Variants in CLDN2 observed in about 807,000 individuals in gnomAD.
The protein encoded by CLDN2 is claudin-2.
CLDN2 carries 1 observed loss-of-function variant against 8.2 expected under a neutral mutation model. The observed-to-expected ratio is 0.12, with a 90% confidence interval of 0.04 to 0.58. The LOEUF (loss-of-function observed/expected upper bound fraction) is 0.58. Among genes scored for constraint, CLDN2 ranks in the 20% least tolerant of loss-of-function variants. The pLI, the probability that CLDN2 is intolerant of heterozygous loss-of-function variation, is 0.90. For missense variants in CLDN2, 108 were observed against 172.9 expected, an observed-to-expected ratio of 0.62 and a Z score of 2.11; for synonymous variants, 70 against 70.2, an observed-to-expected ratio of 1.00 and a Z score of 0.01.
At chrX:106,903,670 C>T (rs1477403035) in intron 1 of CLDN2, among the ~76,000 whole-genome samples, 2 of 112,152 alleles carry the variant, frequency 1.8e-5, no homozygotes, top group African/African-American at 6.5e-5. Flanking sequence ...ACAGAGATGT[C>T]AGGGACAGAG....
At position 106,928,217 on chromosome X, in the gene CLDN2, G is replaced by T. The variant is rs964209255; in HGVS notation, c.-12G>T. 2.5e-6 allele frequency: 3 copies of T among 1,193,698 alleles called. No individual in the cohort carries two copies. The African/African-American group carries it at 5.3e-5, about 21-fold the overall frequency. ...AGCAGTCCCTGAAGACGCTTCTACT[G>T]AGAGGTCTGCCATGGCCTCTCTTGG... On this transcript the variant is annotated 5_prime_UTR_variant, in exon 2 of 2. Coordinates refer to ENST00000336803, the MANE Select transcript of CLDN2 (RefSeq NM_020384.4).
At chrX:106,925,018 T>C (rs977175793) in intron 1 of CLDN2, among the ~76,000 whole-genome samples, 5 of 111,110 alleles carry the variant, frequency 4.5e-5, no homozygotes, top group Non-Finnish European at 9.4e-5. Flanking sequence ...GATACAGAGA[T>C]ACATAAGATA....
At chrX:106,909,599 C>T (rs763603762) in intron 1 of CLDN2, among the ~76,000 whole-genome samples, 40 of 111,938 alleles carry the variant, frequency 3.6e-4, no homozygotes, top group African/African-American at 1.2e-3. Context: ...AGTGGAGGCC[C>T]GAAGTAATAC....
Position 106,910,330 on chromosome X carries a change from C to T in CLDN2, c.-179+9826C>T, listed in dbSNP as rs139448579. Among the ~76,000 whole-genome samples the T allele has an allele frequency of 4.0e-4, 45 of 111,363 alleles. 1 individual carries two copies. Among genetic ancestry groups the T allele is most frequent in the Admixed American group, 3.7e-3 (39 of 10,541 alleles). ...TGACTGCTTACTGTGTGCCAGGCAC[C>T]GTGCTAAGTGCTTTATTGTTTTATT... On this transcript the variant is annotated intron_variant, in intron 1 of 1. Coordinates refer to the CLDN2 transcript ENST00000541806.
chrX:106,929,695 A>T lies in CLDN2; in HGVS notation c.*774A>T, dbSNP rs1327975160. 4.1e-5 allele frequency: 5 copies of T among 123,140 alleles called. No individual in the cohort carries two copies. The highest frequency in any genetic ancestry group is 5.7e-5 in the Non-Finnish European group (3 of 53,080). 10.1% of individuals were successfully genotyped at this position (123,140 alleles called of 1,213,427 possible). A position where few individuals can be genotyped will look rare whatever the true frequency, so the allele number is the denominator to read the frequency against. The stretch of plus-strand genomic sequence containing the variant: ...GAGGAAAGCACAAGGAAAGGAAAGA[A>T]GATCTGGTGGAAAGCTCAGGTGGCA... On this transcript the variant is annotated 3_prime_UTR_variant, in exon 2 of 2. Coordinates refer to ENST00000336803, the MANE Select transcript of CLDN2 (RefSeq NM_020384.4).
intron 1 of CLDN2, among the ~76,000 whole-genome samples, chrX:106,922,810 TG>T (rs1056954444): frequency 1.8e-5 from 2 of 110,997 alleles, no homozygotes; most frequent in African/African-American, 6.6e-5. Context: ...TAGGTTTGGC[TG>T]GATCATATGT....
At position 106,928,969 on chromosome X, in the gene CLDN2, T is replaced by C; in HGVS notation, c.*48T>C. 1 of 1,064,194 alleles carries C rather than the reference T, an allele frequency of 9.4e-7. No individual in the cohort carries two copies. Among genetic ancestry groups the C allele is most frequent in the Non-Finnish European group, 1.3e-6 (1 of 772,197 alleles). 87.7% of individuals were successfully genotyped at this position (1,064,194 alleles called of 1,213,427 possible). ...GGGTGGCTGGGTCTGTGAAAAACAG[T>C]GGACAGCACCCCGAGGGCCACAGGT... On this transcript the variant is annotated 3_prime_UTR_variant, in exon 2 of 2. Coordinates refer to ENST00000336803, the MANE Select transcript of CLDN2 (RefSeq NM_020384.4).
At chrX:106,915,433 A>G (rs748084659), upstream of CLDN2, among the ~76,000 whole-genome samples, 2 of 112,413 alleles carry the variant, frequency 1.8e-5, no homozygotes, top group Non-Finnish European at 3.8e-5. Context: ...TGGTTTTCAA[A>G]CTTTTAATTT....
At chrX:106,921,983 T>C (rs754780880) in intron 1 of CLDN2, among the ~76,000 whole-genome samples, 3 of 112,398 alleles carry the variant, frequency 2.7e-5, no homozygotes, top group Non-Finnish European at 5.6e-5. Flanking sequence ...TCAAAGTGGC[T>C]TCCTGTCCCC....
At chrX:106,916,983 A>C (rs923582796), upstream of CLDN2, among the ~76,000 whole-genome samples, 3 of 112,106 alleles carry the variant, frequency 2.7e-5, no homozygotes, top group Non-Finnish European at 3.8e-5. Context: ...CCAGGAGTTC[A>C]AGGTTATTGT....
At chrX:106,912,987 C>T (rs182018989) in intron 1 of CLDN2, among the ~76,000 whole-genome samples, 3 of 111,584 alleles carry the variant, frequency 2.7e-5, no homozygotes, top group Non-Finnish European at 1.9e-5. Flanking sequence ...AATCAAAAAG[C>T]GAGTCAGCAA....
chrX:106,916,087 GC>G (rs1032378658), upstream of CLDN2, among the ~76,000 whole-genome samples: 5 of 104,625 alleles, frequency 4.8e-5, no homozygotes, highest in Non-Finnish European at 9.8e-5. Context: ...AAAAAAAAAA[GC>G]CAAACCCTTC....
chrX:106,908,541 T>C (rs1363975000), intron 1 of CLDN2, among the ~76,000 whole-genome samples: 7 of 108,454 alleles, frequency 6.5e-5, no homozygotes, highest in Non-Finnish European at 9.5e-5. Context: ...CTTGGGACAG[T>C]GTATTTTTTT....
intron 1 of CLDN2, among the ~76,000 whole-genome samples, chrX:106,901,088 G>A (rs947892550): frequency 9.8e-5 from 11 of 112,330 alleles, no homozygotes; most frequent in African/African-American, 2.6e-4. Flanking sequence ...GTGGCCCCAC[G>A]CAGGAAGGTA....
upstream of CLDN2, among the ~76,000 whole-genome samples, chrX:106,919,703 C>T (rs1315543280): frequency 1.8e-5 from 2 of 112,280 alleles, no homozygotes; most frequent in African/African-American, 3.2e-5. Flanking sequence ...AGGCTGTTTT[C>T]GAACTCCTGA....
chrX:106,917,855 G>A (rs989248437), upstream of CLDN2, among the ~76,000 whole-genome samples: 5 of 110,733 alleles, frequency 4.5e-5, no homozygotes, highest in African/African-American at 9.9e-5. Flanking sequence ...CTCCATTCCC[G>A]CACCCATCTA....
At chrX:106,911,349 C>T (rs889321345) in intron 1 of CLDN2, among the ~76,000 whole-genome samples, 1 of 111,914 alleles carries the variant, frequency 8.9e-6, no homozygotes, top group African/African-American at 3.2e-5. Context: ...GCAATGGCAG[C>T]TCATGAGTGA....
intron 1 of CLDN2, among the ~76,000 whole-genome samples, chrX:106,904,532 C>T (rs1933153585): frequency 8.9e-6 from 1 of 111,999 alleles, no homozygotes; most frequent in African/African-American, 3.2e-5. Flanking sequence ...CAGGTGCTCA[C>T]AATCATGTTC....
chrX:106,914,701 A>G (rs1316905475), upstream of CLDN2, among the ~76,000 whole-genome samples: 1 of 112,214 alleles, frequency 8.9e-6, no homozygotes, highest in Non-Finnish European at 1.9e-5. Flanking sequence ...TTTATTTTAA[A>G]GTAATACATA....
Sources: allele counts gnomAD v4.1 joint callset (sites outside exome capture counted in the v4.1 genomes callset), GRCh38; gene constraint gnomAD v4.1.1; transcripts MANE v1.5; gene names NCBI Gene and HGNC (gene_info 2026-07-23, HGNC 2026-07-21).